Variants in COL25A1 observed in about 807,000 individuals in gnomAD.
COL25A1 encodes the protein collagen type XXV alpha 1 chain, also known as collagen alpha-1(XXV) chain.
COL25A1 carries 103 observed loss-of-function variants against 128.4 expected under a neutral mutation model. That is an observed-to-expected ratio of 0.80 (90% CI 0.68 to 0.94). The LOEUF (loss-of-function observed/expected upper bound fraction) is 0.94. Ranked by LOEUF, COL25A1 falls within the 40% of genes least tolerant of loss-of-function variation. COL25A1 has a pLI of 0.00. For missense variants in COL25A1, 745 were observed against 840.0 expected, an observed-to-expected ratio of 0.89 and a Z score of 1.40; for synonymous variants, 279 against 277.2, an observed-to-expected ratio of 1.01 and a Z score of -0.06.
At chr4:108,838,856 G>C (rs1052454530) in intron 31 of COL25A1, among the ~76,000 whole-genome samples, 8 of 152,110 alleles carry the variant, frequency 5.3e-5, no homozygotes, top group Non-Finnish European at 7.4e-5. Flanking sequence ...CATTATAAAA[G>C]CCACGGTAAA....
At chr4:109,297,513 T>C (rs1218002749) in intron 3 of COL25A1, among the ~76,000 whole-genome samples, 3 of 152,258 alleles carry the variant, frequency 2.0e-5, no homozygotes, top group Non-Finnish European at 2.9e-5. Context: ...AGGAGACTTA[T>C]ATAAATATCA....
chr4:109,087,532 C>A (rs1320875938), intron 3 of COL25A1, among the ~76,000 whole-genome samples: 2 of 152,134 alleles, frequency 1.3e-5, no homozygotes, highest in Non-Finnish European at 2.9e-5. Flanking sequence ...TACATGCACA[C>A]ATCAAGAAAT....
intron 3 of COL25A1, among the ~76,000 whole-genome samples, chr4:109,297,976 C>T (rs571852165): frequency 7.1e-5 from 10 of 140,016 alleles, no homozygotes; most frequent in South Asian, 4.7e-4. Context: ...GGATTCCAAT[C>T]CGGAATTATC....
chr4:109,238,120 G>A (rs1018625386), intron 3 of COL25A1, among the ~76,000 whole-genome samples: 6 of 151,968 alleles, frequency 3.9e-5, no homozygotes, highest in South Asian at 2.1e-4. Context: ...TGCTGTGAAC[G>A]TGGGTATACA....
At chr4:109,183,090 C>T (rs1321640739) in intron 3 of COL25A1, among the ~76,000 whole-genome samples, 1 of 152,074 alleles carries the variant, frequency 6.6e-6, no homozygotes, top group African/African-American at 2.4e-5. Context: ...ACCCTTAGAA[C>T]TATAATGTAT....
At chr4:108,869,000 AGAAAG>A in intron 20 of COL25A1, 83 bp downstream of exon 20, 3 of 781,488 alleles carry the variant, frequency 3.8e-6, no homozygotes, top group Non-Finnish European at 6.3e-6. Flanking sequence ...TAAAAGAAAG[AGAAAG>A]GAAAGAAAAG....
intron 19 of COL25A1, among the ~76,000 whole-genome samples, chr4:108,872,099 C>T (rs1738794073): frequency 6.6e-6 from 1 of 152,114 alleles, no homozygotes; most frequent in South Asian, 2.1e-4. Flanking sequence ...ACTTTCATCC[C>T]TTCATGAATA....
chr4:109,198,940 T>C lies in COL25A1; in HGVS notation c.367+101643A>G, dbSNP rs531342120. Among the ~76,000 whole-genome samples the C allele has an allele frequency of 9.2e-5, 14 of 152,248 alleles. No individual in the cohort carries two copies. In the South Asian group the frequency reaches 2.7e-3, roughly 29 times the overall value. On this transcript the variant is annotated intron_variant, in intron 3 of 37. Transcript: ENST00000399132. Reference sequence around the variant, plus strand: ...CCTGTACAGCATTTACAAATTGCAATTGGTTACTGAATCTAAATAAGACCC... The same window carrying C: ...CCTGTACAGCATTTACAAATTGCAACTGGTTACTGAATCTAAATAAGACCC...
At chr4:109,021,634 T>G (rs565409577) in intron 5 of COL25A1, 1 of 421,588 alleles carries the variant, frequency 2.4e-6, no homozygotes, top group Non-Finnish European at 4.7e-6. Flanking sequence ...TCTGACTGCC[T>G]GTGGGGTCGG....
In COL25A1 at chr4:109,024,461, T is replaced by C. The variant is rs1758061710; in HGVS notation, c.421-14086A>G. Among the ~76,000 whole-genome samples, 7 of 152,000 alleles carry C rather than the reference T, an allele frequency of 4.6e-5. No individual in the cohort carries two copies. The South Asian group carries it at 1.0e-3, about 23-fold the overall frequency. ...GTATATACATATTTATTCAGACATA[T>C]GGTTATAAATCTATCTAAAAAAAGA... On this transcript the variant is annotated intron_variant, in intron 5 of 37. Transcript: ENST00000399132.
chr4:109,146,064 CAAAT>C (rs1312651785), intron 3 of COL25A1, among the ~76,000 whole-genome samples: 4 of 152,004 alleles, frequency 2.6e-5, no homozygotes, highest in African/African-American at 7.2e-5. Flanking sequence ...TATAAACAAT[CAAAT>C]AAATTCTTCA....
At chr4:109,155,351 C>T (rs1009871504) in intron 3 of COL25A1, among the ~76,000 whole-genome samples, 7 of 152,178 alleles carry the variant, frequency 4.6e-5, no homozygotes, top group Admixed American at 2.6e-4. Flanking sequence ...ATCACTCCCA[C>T]TTTTACAGTC....
intron 3 of COL25A1, among the ~76,000 whole-genome samples, chr4:109,254,447 C>T (rs1780910081): frequency 9.3e-6 from 1 of 107,910 alleles, no homozygotes; most frequent in Non-Finnish European, 1.8e-5. Flanking sequence ...CAACAGGGTG[C>T]TATGTACATG....
At chr4:109,206,647 C>T (rs1199477559) in intron 3 of COL25A1, among the ~76,000 whole-genome samples, 3 of 152,142 alleles carry the variant, frequency 2.0e-5, no homozygotes, top group Non-Finnish European at 4.4e-5. Flanking sequence ...ATCTTCAGTG[C>T]TCTAAAAGAA....
At chr4:109,231,970 A>G (rs1481485556) in intron 3 of COL25A1, among the ~76,000 whole-genome samples, 2 of 152,190 alleles carry the variant, frequency 1.3e-5, no homozygotes, top group Non-Finnish European at 1.5e-5. Context: ...TACTCAACAT[A>G]CGATAGTTCT....
intron 3 of COL25A1, among the ~76,000 whole-genome samples, chr4:109,052,034 GT>G (rs1372181174): frequency 6.6e-6 from 1 of 152,128 alleles, no homozygotes; most frequent in Non-Finnish European, 1.5e-5. Flanking sequence ...GCCCTGATTT[GT>G]ACATGTCTTA....
intron 13 of COL25A1, among the ~76,000 whole-genome samples, chr4:108,912,857 G>A (rs1381049536): frequency 6.6e-6 from 1 of 152,068 alleles, no homozygotes; most frequent in Admixed American, 6.5e-5. Context: ...GAAGAACTGT[G>A]TTATCCATGT....
chr4:108,981,758 CTAAAA>C (rs1197907786), intron 6 of COL25A1, among the ~76,000 whole-genome samples: 1 of 152,020 alleles, frequency 6.6e-6, no homozygotes, highest in African/African-American at 2.4e-5. Context: ...CACTGTTTGG[CTAAAA>C]TAAAATATTA....
At chr4:109,197,443 A>ATACATAT (rs1776172267) in intron 3 of COL25A1, among the ~76,000 whole-genome samples, 1 of 117,996 alleles carries the variant, frequency 8.5e-6, no homozygotes, top group African/African-American at 3.2e-5. Context: ...ATTATATATT[A>ATACATAT]TATATATTAT....
Sources: allele counts gnomAD v4.1 joint callset (sites outside exome capture counted in the v4.1 genomes callset), GRCh38; gene constraint gnomAD v4.1.1; transcripts MANE v1.5; gene names NCBI Gene and HGNC (gene_info 2026-07-23, HGNC 2026-07-21).